Variants in SHB observed in about 807,000 individuals in gnomAD.
The protein encoded by SHB is SH2 domain-containing adapter protein B.
SHB carries 20 observed loss-of-function variants against 52.3 expected under a neutral mutation model. The ratio of observed to expected loss-of-function variants is 0.38; its 90% CI spans 0.27 to 0.56. The LOEUF is 0.56. SHB is among the 20% of genes least tolerant of loss of function. SHB has a pLI of 0.71. For missense variants in SHB, 825 were observed against 723.3 expected, an observed-to-expected ratio of 1.14 and a Z score of -1.61; for synonymous variants, 397 against 316.5, an observed-to-expected ratio of 1.25 and a Z score of -2.70.
chr9:38,011,190 G>A (rs1324952821), intron 2 of SHB, among the ~76,000 whole-genome samples: 1 of 152,202 alleles, frequency 6.6e-6, no homozygotes, highest in Non-Finnish European at 1.5e-5. Context: ...AAGAGGGAAA[G>A]AAGGGGCTGT....
chr9:38,011,764 A>T (rs1821145465), intron 2 of SHB, among the ~76,000 whole-genome samples: 1 of 152,224 alleles, frequency 6.6e-6, no homozygotes, highest in African/African-American at 2.4e-5. Flanking sequence ...TTTTAAAAAA[A>T]ATCTCAAAAG....
intron 5 of SHB, among the ~76,000 whole-genome samples, chr9:37,935,116 A>G (rs1384411817): frequency 1.3e-5 from 2 of 152,226 alleles, no homozygotes; most frequent in African/African-American, 2.4e-5. Context: ...AGTTATGCGA[A>G]TATTTGGAGA....
At chr9:37,944,571 T>G (rs1832470716) in intron 5 of SHB, among the ~76,000 whole-genome samples, 1 of 152,184 alleles carries the variant, frequency 6.6e-6, no homozygotes, top group Non-Finnish European at 1.5e-5. Flanking sequence ...GTCTTGGCTC[T>G]GCTGTGGACC....
chr9:37,965,950 G>T (rs1411712940), intron 3 of SHB, among the ~76,000 whole-genome samples: 3 of 152,134 alleles, frequency 2.0e-5, no homozygotes, highest in African/African-American at 7.2e-5. Context: ...CTCACACAGG[G>T]TTTATGCTGA....
At chr9:37,967,328 C>T (rs1161632895) in intron 3 of SHB, among the ~76,000 whole-genome samples, 2 of 152,138 alleles carry the variant, frequency 1.3e-5, no homozygotes, top group Non-Finnish European at 2.9e-5. Flanking sequence ...AATAGACATA[C>T]CTGGGGCCTT....
At chr9:37,949,369 G>T (rs1242854258) in intron 4 of SHB, among the ~76,000 whole-genome samples, 1 of 124,338 alleles carries the variant, frequency 8.0e-6, no homozygotes, top group East Asian at 2.4e-4. Context: ...CTCCAGCCTG[G>T]AAGACACAGC....
chr9:37,962,676 T>A (rs1487641496), intron 3 of SHB, among the ~76,000 whole-genome samples: 2 of 150,246 alleles, frequency 1.3e-5, no homozygotes, highest in East Asian at 1.9e-4. Context: ...TGGGCTAAGT[T>A]TTTTTTTTTT....
Position 37,919,842 on chromosome 9 carries a change from G to A in SHB, c.1509C>T (p.Pro503=), listed in dbSNP as rs11998861. The change falls in exon 6 of 6, where the codon CCC becomes CCT. Residue 503 remains proline (P), a synonymous_variant. Coordinates refer to ENST00000377707, the MANE Select transcript of SHB (RefSeq NM_003028.3). The part of the protein sequence containing the change: ...KGAEHLSLLY[P]VAVRTL ...CCGCTCACAGGGTCCTCACAGCCAC[G>A]GGATAGAGGAGGGACAAGTGCTCAG... 1.7e-3 allele frequency: 2,767 copies of A among 1,613,760 alleles called. 38 individuals carry two copies. The African/African-American group carries it at 0.031, about 18-fold the overall frequency.
At chr9:37,978,239 A>T (rs1406861863) in intron 2 of SHB, among the ~76,000 whole-genome samples, 2 of 152,258 alleles carry the variant, frequency 1.3e-5, no homozygotes, top group Non-Finnish European at 2.9e-5. Flanking sequence ...ATTAAATCAG[A>T]GGACTTGTGC....
At chr9:37,977,063 C>A (rs1207570495) in intron 2 of SHB, among the ~76,000 whole-genome samples, 1 of 152,144 alleles carries the variant, frequency 6.6e-6, no homozygotes, top group Non-Finnish European at 1.5e-5. Context: ...ATGACTTGGG[C>A]CATTTCTGCC....
rs755329415 is a variant in SHB at position 38,068,028 on chromosome 9, G to A, written c.618C>T (p.Gly206=). The A allele has an allele frequency of 4.3e-5, 65 of 1,507,308 alleles. No homozygotes were observed. Among genetic ancestry groups the A allele is most frequent in the South Asian group, 4.2e-4 (34 of 80,154 alleles). The allele number at this position is 1,507,308 out of a possible 1,614,324, so 93.4% of individuals were successfully genotyped here. The change falls in exon 1 of 6, where the codon GGC becomes GGT. Residue 206 remains glycine, a synonymous_variant. Coordinates refer to ENST00000377707, the MANE Select transcript of SHB (RefSeq NM_003028.3). ...AGGCCGTCGGGCTCCAGGTGCGGCC[G>A]CCCGCGCAGGCGCCCCCCAGGGGGT... ...AGDPLGGACA[G]GRTWSPTACG...
At chr9:37,985,357 C>T (rs769346818) in intron 2 of SHB, among the ~76,000 whole-genome samples, 20 of 152,266 alleles carry the variant, frequency 1.3e-4, no homozygotes, top group Non-Finnish European at 2.9e-4. Context: ...AGCCTGCAAA[C>T]CTGATGACGA....
chr9:37,994,793 A>C (rs1281096444), intron 2 of SHB, among the ~76,000 whole-genome samples: 4 of 152,090 alleles, frequency 2.6e-5, no homozygotes, highest in Non-Finnish European at 5.9e-5. Context: ...CATGGGGAAG[A>C]CTTCTCGTTT....
At position 37,987,075 on chromosome 9, in the gene SHB, C is replaced by A. The variant is rs185695689; in HGVS notation, c.839-12238G>T. 3.2e-3 allele frequency among the ~76,000 whole-genome samples: 489 copies of A among 152,342 alleles called. 2 individuals are homozygous for A. Among genetic ancestry groups the A allele is most frequent in the Non-Finnish European group, 5.7e-3 (389 of 68,024 alleles). ...TACCCTGTGGGGGCTTCCCTGCTCACCAAGTGGCTTCACCTGCAGCTCTCA... is the reference window on the plus strand; with the variant it reads ...TACCCTGTGGGGGCTTCCCTGCTCAACAAGTGGCTTCACCTGCAGCTCTCA... On this transcript the variant is annotated intron_variant, in intron 2 of 5. Transcript: ENST00000377707.
Position 38,068,180 on chromosome 9 carries a change from A to T in SHB, c.466T>A (p.Ser156Thr). The T allele has an allele frequency of 7.1e-7, 1 of 1,413,788 alleles. No homozygotes were observed. The highest frequency in any genetic ancestry group is 9.1e-7 in the Non-Finnish European group (1 of 1,097,172). 87.6% of individuals were successfully genotyped at this position (1,413,788 alleles called of 1,614,324 possible). A position where few individuals can be genotyped will look rare whatever the true frequency, so the allele number is the denominator to read the frequency against. ...CTGCGGTAGAGATGCGGAGAGCCGG[A>T]GGACGAGGACGAGGACGCGGCGGCC... ...AGAAASSSSS[S>T]GSPHLYRSSS... The change falls in exon 1 of 6, where the codon TCC becomes ACC. Residue 156 changes from serine (S) to threonine (T), a missense_variant. Transcript: ENST00000377707.
chr9:37,949,727 G>T (rs1832542686), intron 4 of SHB, among the ~76,000 whole-genome samples: 1 of 152,206 alleles, frequency 6.6e-6, no homozygotes, highest in African/African-American at 2.4e-5. Context: ...AGGGATGTGT[G>T]CAGACATGGA....
intron 2 of SHB, among the ~76,000 whole-genome samples, chr9:37,977,393 AAG>A (rs747915372): frequency 1.3e-5 from 2 of 152,168 alleles, no homozygotes; most frequent in African/African-American, 4.8e-5. Context: ...TCTCCCTGGA[AAG>A]AGAGAGAATA....
At chr9:37,969,049 T>G (rs1820563795) in intron 3 of SHB, among the ~76,000 whole-genome samples, 1 of 152,142 alleles carries the variant, frequency 6.6e-6, no homozygotes, top group South Asian at 2.1e-4. Context: ...CCATTTCAGG[T>G]GGGAAGCCAC....
chr9:37,938,962 C>T (rs911993992), intron 5 of SHB, among the ~76,000 whole-genome samples: 7 of 152,114 alleles, frequency 4.6e-5, no homozygotes, highest in African/African-American at 1.4e-4. Flanking sequence ...ACGTTGCAGC[C>T]GGGAGAGCCA....
Sources: gnomAD v4.1 joint callset for allele counts (sites outside exome capture counted in the v4.1 genomes callset) on GRCh38, gnomAD v4.1.1 for gene constraint, MANE v1.5 for transcripts, NCBI Gene and HGNC (gene_info 2026-07-23, HGNC 2026-07-21) for gene names.